TXNDC11: variants seen among roughly 807,000 people sequenced by gnomAD.
TXNDC11 encodes the protein thioredoxin domain-containing protein 11.
In TXNDC11, 68 loss-of-function variants were observed where a neutral mutation model predicts 78.0. That is an observed-to-expected ratio of 0.87 (90% confidence interval 0.72 to 1.07). The LOEUF (loss-of-function observed/expected upper bound fraction) is 1.07, where lower values mean the gene tolerates loss of function less well. Ranked by LOEUF, TXNDC11 falls within the 50% of genes least tolerant of loss-of-function variation. The probability of loss-of-function intolerance (pLI) is 0.00; values close to 1 mark genes in which losing one functional copy is unlikely to be tolerated. For synonymous variants in TXNDC11, 571 were observed against 495.2 expected, an observed-to-expected ratio of 1.15 and a Z score of -2.03; for missense variants, 1,389 against 1,221.8, an observed-to-expected ratio of 1.14 and a Z score of -2.04.
intron 5 of TXNDC11, among the ~76,000 whole-genome samples, chr16:11,701,937 A>C (rs559490927): frequency 6.6e-6 from 1 of 152,244 alleles, no homozygotes; most frequent in Admixed American, 6.5e-5. Context: ...ATATTCACCA[A>C]GAAACATTCT....
At chr16:11,684,364 TC>T (rs1444541139) in intron 10 of TXNDC11, 119 bp from the exon 11 acceptor site, 1 of 673,094 alleles carries the variant, frequency 1.5e-6, no homozygotes, top group African/African-American at 1.8e-5. Context: ...ATTGGGCTAG[TC>T]CCTTCTCGAT....
intron 1 of TXNDC11, among the ~76,000 whole-genome samples, chr16:11,740,365 G>A (rs899147726): frequency 6.6e-6 from 1 of 151,770 alleles, no homozygotes; most frequent in African/African-American, 2.4e-5. Flanking sequence ...AGAAGATGAA[G>A]CAGCAGCCAT....
chr16:11,723,025 A>C (rs1345337816), intron 4 of TXNDC11, among the ~76,000 whole-genome samples: 1 of 152,060 alleles, frequency 6.6e-6, no homozygotes, highest in Non-Finnish European at 1.5e-5. Context: ...GGGAGACCTA[A>C]GAGGGAGGAT....
chr16:11,691,109 C>T (rs3743584), intron 8 of TXNDC11, 181 bp downstream of exon 8: 32,132 of 596,318 alleles, frequency 0.054, 2,389 homozygotes, highest in African/African-American at 0.21. Flanking sequence ...GTTTCTGTTC[C>T]ATTTAATAGA....
chr16:11,682,534 G>C (rs1284679602), intron 11 of TXNDC11, among the ~76,000 whole-genome samples: 1 of 152,170 alleles, frequency 6.6e-6, no homozygotes, highest in Non-Finnish European at 1.5e-5. Context: ...TTCCGCCTGT[G>C]TCTCTCTACA....
chr16:11,681,310 C>T (rs957175646), intron 11 of TXNDC11, among the ~76,000 whole-genome samples: 16 of 152,234 alleles, frequency 1.1e-4, no homozygotes, highest in African/African-American at 2.4e-4. Context: ...GCAGAGTAAA[C>T]GTGAATTACT....
chr16:11,734,533 C>A (rs1485230656), intron 2 of TXNDC11, among the ~76,000 whole-genome samples: 1 of 152,162 alleles, frequency 6.6e-6, no homozygotes, highest in African/African-American at 2.4e-5. Flanking sequence ...AAAAACAGGG[C>A]TGACAGCATC....
Position 11,742,489 on chromosome 16 carries a change from T to C in TXNDC11, c.242A>G (p.Lys81Arg), listed in dbSNP as rs1258307657. ...CGGGCCGCCTCACCTGCAGGTGAAC[T>C]TGAGGGCGAGGAGCAGCGCGCAGCC... is the stretch of plus-strand genomic sequence containing the variant. ...ALGCALLLALKFTCSRAKDVI... is the reference protein window; with the variant it reads ...ALGCALLLALRFTCSRAKDVI... Residue 81 changes from lysine (K) to arginine (R), a missense_variant, in exon 1 of 12, where the codon AAG (lysine) becomes AGG (arginine). Physicochemically the swap from Lys to Arg is conservative, Grantham distance 26 (BLOSUM62 2). Coordinates refer to ENST00000283033, the MANE Select transcript of TXNDC11 (RefSeq NM_015914.7). The C allele has an allele frequency of 1.4e-6, 2 of 1,448,328 alleles. No individual in the cohort carries two copies. Among genetic ancestry groups the C allele is most frequent in the African/African-American group, 3.0e-5 (2 of 67,220 alleles). The allele number at this position is 1,448,328 out of a possible 1,614,324, so 89.7% of individuals were successfully genotyped here.
rs150988976 is a variant in TXNDC11, at chr16:11,733,986, G to A, written c.565C>T (p.Arg189Trp). 1.2e-5 allele frequency: 19 copies of A among 1,602,572 alleles called. No homozygotes were observed. The highest frequency in any genetic ancestry group is 9.4e-5 in the African/African-American group (7 of 74,482). The stretch of plus-strand genomic sequence containing the variant: ...CGCTATTTAAAAAGTTCTTACCTCC[G>A]ATGATACAGATATATTACAGGAAAA... Reference protein sequence around the residue: ...FYFPVIYLYHRSFGPIEYKGP... With the variant: ...FYFPVIYLYHWSFGPIEYKGP... Residue 189 changes from arginine (R) to tryptophan (W), a missense_variant, in exon 3 of 12, where the codon CGG becomes TGG. Arg to Trp is a moderately radical substitution (Grantham distance 101). Coordinates refer to ENST00000283033, the MANE Select transcript of TXNDC11 (RefSeq NM_015914.7).
At chr16:11,682,528 G>A (rs147885264) in intron 11 of TXNDC11, among the ~76,000 whole-genome samples, 6 of 152,260 alleles carry the variant, frequency 3.9e-5, no homozygotes, top group East Asian at 1.9e-4. Context: ...CACCTGTTCC[G>A]CCTGTGTCTC....
At chr16:11,735,700 T>C (rs2052199530) in intron 2 of TXNDC11, among the ~76,000 whole-genome samples, 1 of 152,200 alleles carries the variant, frequency 6.6e-6, no homozygotes, top group Non-Finnish European at 1.5e-5. Flanking sequence ...CTAGCAAGTA[T>C]CAAATGGATA....
intron 5 of TXNDC11, among the ~76,000 whole-genome samples, chr16:11,710,964 T>C (rs2051333282): frequency 6.6e-6 from 1 of 151,126 alleles, no homozygotes; most frequent in East Asian, 1.9e-4. Context: ...GCCTATTGTC[T>C]ATTAGTGCAA....
At position 11,735,274 on chromosome 16, in the gene TXNDC11, C is replaced by A. The variant is rs560098794; in HGVS notation, c.471+743G>T. On this transcript the variant is annotated intron_variant, in intron 2 of 11. Coordinates refer to ENST00000283033, the MANE Select transcript of TXNDC11 (RefSeq NM_015914.7). ...TTTATCAGTCTACGTTTGTAACTAT[C>A]CCATTCAGTGATTCTACATAAAGGT... is the stretch of plus-strand genomic sequence containing the variant. 3.3e-5 allele frequency among the ~76,000 whole-genome samples: 5 copies of A among 152,266 alleles called. No homozygotes were observed. In the South Asian group the frequency reaches 1.0e-3, roughly 32 times the overall value.
chr16:11,738,123 C>T (rs949763177), intron 1 of TXNDC11, among the ~76,000 whole-genome samples: 3 of 152,070 alleles, frequency 2.0e-5, no homozygotes, highest in African/African-American at 7.2e-5. Flanking sequence ...AAAGCAAAAC[C>T]TATTCATATG....
chr16:11,735,529 C>T (rs2052193526), intron 2 of TXNDC11, among the ~76,000 whole-genome samples: 1 of 152,214 alleles, frequency 6.6e-6, no homozygotes, highest in Non-Finnish European at 1.5e-5. Context: ...CTGAAAACCA[C>T]TGCCATAACA....
At chr16:11,697,918 T>C (rs1373769480) in intron 7 of TXNDC11, among the ~76,000 whole-genome samples, 3 of 152,206 alleles carry the variant, frequency 2.0e-5, no homozygotes, top group African/African-American at 7.2e-5. Context: ...TCAATAAATA[T>C]GGCCAGAGAG....
At chr16:11,738,249 G>A (rs750450935) in intron 1 of TXNDC11, among the ~76,000 whole-genome samples, 2 of 152,224 alleles carry the variant, frequency 1.3e-5, no homozygotes, top group Non-Finnish European at 2.9e-5. Context: ...GTATCCAACG[G>A]AGCAAGTCAC....
chr16:11,707,824 A>G (rs2051227496), intron 5 of TXNDC11, among the ~76,000 whole-genome samples: 1 of 151,970 alleles, frequency 6.6e-6, no homozygotes, highest in Admixed American at 6.6e-5. Flanking sequence ...GCTCACATCT[A>G]TAATCTCAAC....
intron 4 of TXNDC11, among the ~76,000 whole-genome samples, chr16:11,724,190 G>A (rs970151053): frequency 6.6e-6 from 1 of 152,032 alleles, no homozygotes; most frequent in East Asian, 1.9e-4. Context: ...GGCTGAGGCA[G>A]GAGAATTGCT....
Sources: gnomAD v4.1 joint callset for allele counts (sites outside exome capture counted in the v4.1 genomes callset) on GRCh38, gnomAD v4.1.1 for gene constraint, MANE v1.5 for transcripts, NCBI Gene and HGNC (gene_info 2026-07-23, HGNC 2026-07-21) for gene names.